Variants in CHURC1 observed in about 807,000 individuals in gnomAD.
The protein encoded by CHURC1 is protein Churchill.
In CHURC1, 12 loss-of-function variants were observed where a neutral mutation model predicts 15.4. The observed-to-expected ratio is 0.78, with a 90% CI of 0.50 to 1.27. The LOEUF (loss-of-function observed/expected upper bound fraction) is 1.27. CHURC1 is among the 50% of genes most tolerant of loss of function. The pLI is 0.00. For synonymous variants in CHURC1, 42 were observed against 47.5 expected (o/e 0.88, Z 0.48); for missense variants, 132 against 137.8 (o/e 0.96, Z 0.21).
chr14:64,926,744 G>A (rs1236408476), intron 3 of CHURC1, among the ~76,000 whole-genome samples: 8 of 152,184 alleles, frequency 5.3e-5, no homozygotes, highest in Non-Finnish European at 1.2e-4. Context: ...TGTGTACCAT[G>A]GTTGGAGGAG....
chr14:64,929,926 C>A (rs1594904311), intron 3 of CHURC1, among the ~76,000 whole-genome samples: 3 of 142,330 alleles, frequency 2.1e-5, no homozygotes. Context: ...AAAAAAAAAC[C>A]CTCCTAGCAA....
In CHURC1 at chr14:64,934,304, TGC is replaced by T; in HGVS notation, c.*2075_*2076del. On this transcript the variant is annotated 3_prime_UTR_variant, in exon 4 of 4. Transcript: ENST00000549115. ...GGGAGGTTGTGATGAGCCAAGGTCATGCCACTGCACTCCAGCCTGGGAGACAG... is the reference window on the plus strand; with the variant it reads ...GGGAGGTTGTGATGAGCCAAGGTCATCACTGCACTCCAGCCTGGGAGACAG... The T allele has an allele frequency of 2.0e-6, 1 of 501,376 alleles. No homozygotes were observed. Among genetic ancestry groups the T allele is most frequent in the Non-Finnish European group, 2.6e-6 (1 of 387,718 alleles). The allele number at this position is 501,376 out of a possible 1,614,324, so 31.1% of individuals were successfully genotyped here. A position where few individuals can be genotyped will look rare whatever the true frequency, so the allele number is the denominator to read the frequency against.
At chr14:64,914,587 A>C (rs762536660) in intron 1 of CHURC1, 53 bp downstream of exon 1, 21 of 1,610,992 alleles carry the variant, frequency 1.3e-5, no homozygotes, top group Non-Finnish European at 1.8e-5. Context: ...GGTGTCTCAT[A>C]TCCAAGGCTG....
At chr14:64,915,380 C>G (rs1277612098) in intron 1 of CHURC1, among the ~76,000 whole-genome samples, 1 of 152,066 alleles carries the variant, frequency 6.6e-6, no homozygotes, top group Non-Finnish European at 1.5e-5. Context: ...ATGTGACTAA[C>G]AAAAAATGAG....
Position 64,932,972 on chromosome 14 carries a change from A to G in CHURC1, c.*742A>G, listed in dbSNP as rs1057388491. 3.9e-5 allele frequency: 6 copies of G among 152,216 alleles called. No homozygotes were observed. The highest frequency in any genetic ancestry group is 1.2e-4 in the African/African-American group (5 of 41,422). The allele number at this position is 152,216 out of a possible 1,614,324, so 9.4% of individuals were successfully genotyped here. On this transcript the variant is annotated 3_prime_UTR_variant, in exon 4 of 4. Transcript: ENST00000549115. The stretch of plus-strand genomic sequence containing the variant: ...TGACAGACACCAGCTCAGCCAGGTG[A>G]TTGAGGTTAACATCATCCATGATAA...
chr14:64,928,695 T>C (rs1192522675), intron 3 of CHURC1, among the ~76,000 whole-genome samples: 1 of 151,940 alleles, frequency 6.6e-6, no homozygotes, highest in Non-Finnish European at 1.5e-5. Context: ...TTAGTTCTTT[T>C]CTCTCTTACA....
At chr14:64,931,027 C>G in intron 3 of CHURC1, 1 of 316,518 alleles carries the variant, frequency 3.2e-6, no homozygotes, top group South Asian at 2.6e-5. Context: ...GTGGCCCTCT[C>G]TAGTGACTGT....
Position 64,934,987 on chromosome 14 carries a change from A to G in CHURC1, c.*2757A>G. On this transcript the variant is annotated 3_prime_UTR_variant, in exon 4 of 4. Coordinates refer to ENST00000549115, the MANE Select transcript of CHURC1 (RefSeq NM_001386928.1). Reference sequence around the variant, plus strand: ...ATGTGGATCTAATAACGACCACTTGAACCCAGTTTCACAGAATCCTTATTT... The same window carrying G: ...ATGTGGATCTAATAACGACCACTTGGACCCAGTTTCACAGAATCCTTATTT... 1 of 984,518 alleles carries G rather than the reference A, an allele frequency of 1.0e-6. No individual in the cohort carries two copies. Among genetic ancestry groups the G allele is most frequent in the African/African-American group, 1.7e-5 (1 of 57,296 alleles). 61.0% of individuals were successfully genotyped at this position (984,518 alleles called of 1,614,324 possible).
chr14:64,919,642 G>A (rs1187928852), intron 1 of CHURC1, among the ~76,000 whole-genome samples: 2 of 152,098 alleles, frequency 1.3e-5, no homozygotes, highest in South Asian at 2.1e-4. Flanking sequence ...CAGGACCTTC[G>A]GAGGCCGAGG....
chr14:64,919,656 G>A (rs1306571659), intron 1 of CHURC1, among the ~76,000 whole-genome samples: 1 of 152,132 alleles, frequency 6.6e-6, no homozygotes, highest in Admixed American at 6.6e-5. Context: ...GCCGAGGCTA[G>A]CAGATCACTG....
In CHURC1 at chr14:64,933,559, T is replaced by C. The variant is rs548218269; in HGVS notation, c.*1329T>C. 3.4e-5 allele frequency: 33 copies of C among 973,068 alleles called. No individual in the cohort carries two copies. The East Asian group carries it at 5.7e-4, about 17-fold the overall frequency. The allele number at this position is 973,068 out of a possible 1,614,324, so 60.3% of individuals were successfully genotyped here. The stretch of plus-strand genomic sequence containing the variant: ...CAAATTGGACTAACAAAAATTGATA[T>C]AATACATTCATCACAGTATTGTTAG... On this transcript the variant is annotated 3_prime_UTR_variant, in exon 4 of 4. Coordinates refer to ENST00000549115, the MANE Select transcript of CHURC1 (RefSeq NM_001386928.1).
chr14:64,920,815 ATT>A (rs1368834453), intron 1 of CHURC1, among the ~76,000 whole-genome samples: 3 of 152,180 alleles, frequency 2.0e-5, no homozygotes, highest in African/African-American at 7.2e-5. Flanking sequence ...TGGCAGTCAG[ATT>A]TTATAGATTC....
intron 2 of CHURC1, among the ~76,000 whole-genome samples, chr14:64,925,696 CAAAAA>C (rs3033506): frequency 3.0e-5 from 2 of 66,174 alleles, no homozygotes; most frequent in African/African-American, 6.3e-5. Context: ...GACCCGGCCT[CAAAAA>C]AAAAAAAAAA....
chr14:64,921,479 C>G (rs1884291766), intron 1 of CHURC1, among the ~76,000 whole-genome samples: 1 of 150,406 alleles, frequency 6.6e-6, no homozygotes, highest in South Asian at 2.1e-4. Flanking sequence ...TCAAAATAAA[C>G]AACCTAACTT....
At chr14:64,921,986 A>G (rs1004061140) in intron 1 of CHURC1, among the ~76,000 whole-genome samples, 1 of 152,242 alleles carries the variant, frequency 6.6e-6, no homozygotes, top group Non-Finnish European at 1.5e-5. Context: ...GAACATAGGC[A>G]TTATATCGAG....
At chr14:64,927,719 C>T (rs979378398) in intron 3 of CHURC1, among the ~76,000 whole-genome samples, 56 of 55,058 alleles carry the variant, frequency 1.0e-3, no homozygotes, top group South Asian at 1.7e-3. Context: ...TCCCCCCACC[C>T]CCCCCCCCGC....
rs1885127343 is a variant in CHURC1 at position 64,932,344 on chromosome 14, T to C, written c.*114T>C. 7 of 1,488,878 alleles carry C rather than the reference T, an allele frequency of 4.7e-6. No individual in the cohort carries two copies. The highest frequency in any genetic ancestry group is 1.8e-4 in the Middle Eastern group (1 of 5,594). 92.2% of individuals were successfully genotyped at this position (1,488,878 alleles called of 1,614,324 possible). A position where few individuals can be genotyped will look rare whatever the true frequency, so the allele number is the denominator to read the frequency against. ...AATTCTTTGCATATTTTTTTTCTGC[T>C]TAGACTTACTTATTCTTTGAGGAAA... On this transcript the variant is annotated 3_prime_UTR_variant, in exon 4 of 4. Transcript: ENST00000549115.
At chr14:64,920,382 A>G (rs1884193332) in intron 1 of CHURC1, among the ~76,000 whole-genome samples, 1 of 152,162 alleles carries the variant, frequency 6.6e-6, no homozygotes, top group Non-Finnish European at 1.5e-5. Context: ...TCCACCTATT[A>G]TGGGAGCCTG....
In CHURC1 at chr14:64,932,653, ATC is replaced by A. The variant is rs1323482242; in HGVS notation, c.*424_*425del. ...GAAGTACTGAAATTAAAAAAAAAAA[ATC>A]ATAGTGATTGGGAGTATGTCAGCAT... On this transcript the variant is annotated 3_prime_UTR_variant, in exon 4 of 4. Transcript: ENST00000549115. 2.2e-5 allele frequency: 4 copies of A among 181,022 alleles called. No homozygotes were observed. The highest frequency in any genetic ancestry group is 3.7e-4 in the East Asian group (2 of 5,346). The allele number at this position is 181,022 out of a possible 1,614,324, so 11.2% of individuals were successfully genotyped here. A position where few individuals can be genotyped will look rare whatever the true frequency, so the allele number is the denominator to read the frequency against.
Sources: gnomAD v4.1 joint callset for allele counts (sites outside exome capture counted in the v4.1 genomes callset) on GRCh38, gnomAD v4.1.1 for gene constraint, MANE v1.5 for transcripts, NCBI Gene and HGNC (gene_info 2026-07-23, HGNC 2026-07-21) for gene names.